The following PTPRN2 variants were observed in gnomAD, a reference collection of about 807,000 sequenced individuals.
The protein encoded by PTPRN2 is receptor-type tyrosine-protein phosphatase N2.
In PTPRN2, 74 loss-of-function variants were observed where a neutral mutation model predicts 118.8. The ratio of observed to expected loss-of-function variants is 0.62; its 90% confidence interval spans 0.52 to 0.76. The LOEUF is 0.76. Among genes scored for constraint, PTPRN2 ranks in the 30% least tolerant of loss-of-function variants. The pLI, the probability that PTPRN2 is intolerant of heterozygous loss-of-function variation, is 0.00. For missense variants in PTPRN2, 1,481 were observed against 1,394.4 expected (o/e 1.06, Z -0.99); for synonymous variants, 641 against 608.0 (o/e 1.05, Z -0.80).
intron 5 of PTPRN2, among the ~76,000 whole-genome samples, chr7:158,167,922 C>CT (rs1823178096): frequency 6.6e-6 from 1 of 152,234 alleles, no homozygotes; most frequent in Non-Finnish European, 1.5e-5. Flanking sequence ...TGGACATTTG[C>CT]TTTTTTCTAC....
At chr7:158,187,706 C>T (rs1825288482) in intron 5 of PTPRN2, among the ~76,000 whole-genome samples, 1 of 152,138 alleles carries the variant, frequency 6.6e-6, no homozygotes, top group Non-Finnish European at 1.5e-5. Flanking sequence ...ACCAAGTGCT[C>T]ATTTTCTGAA....
chr7:158,143,276 C>T (rs553088655), intron 6 of PTPRN2, among the ~76,000 whole-genome samples: 23 of 152,280 alleles, frequency 1.5e-4, no homozygotes, highest in East Asian at 7.7e-4. Flanking sequence ...TGAAGGGTCC[C>T]GGGCTCCACC....
chr7:157,965,265 C>T (rs1563280216), intron 11 of PTPRN2, among the ~76,000 whole-genome samples: 1 of 152,142 alleles, frequency 6.6e-6, no homozygotes, highest in East Asian at 1.9e-4. Flanking sequence ...CACAGTGTAA[C>T]CCCTCTGAAG....
intron 4 of PTPRN2, among the ~76,000 whole-genome samples, chr7:158,196,205 A>G (rs935580110): frequency 1.3e-5 from 2 of 152,174 alleles, no homozygotes; most frequent in Non-Finnish European, 2.9e-5. Context: ...TCAGTCATCT[A>G]CCAAATCCTC....
intron 12 of PTPRN2, among the ~76,000 whole-genome samples, chr7:157,856,741 C>A (rs1028620190): frequency 1.1e-4 from 17 of 152,222 alleles, no homozygotes; most frequent in Non-Finnish European, 8.8e-5. Flanking sequence ...TTTCATATGA[C>A]CTGCTGGTTC....
chr7:158,490,023 C>G (rs1346772754), intron 1 of PTPRN2, among the ~76,000 whole-genome samples: 1 of 152,236 alleles, frequency 6.6e-6, no homozygotes, highest in East Asian at 1.9e-4. Context: ...CTGGACCAGG[C>G]CCACAGCTCT....
chr7:158,317,054 C>T (rs1185630745), intron 2 of PTPRN2, 122 bp from the exon 3 acceptor site: 5 of 695,176 alleles, frequency 7.2e-6, no homozygotes, highest in African/African-American at 1.8e-5. Flanking sequence ...TGGAGCACGG[C>T]GTCACCAGAG....
chr7:158,570,355 GAATA>G lies in PTPRN2; in HGVS notation c.112+17199_112+17202del, dbSNP rs761742667. 1.8e-4 allele frequency among the ~76,000 whole-genome samples: 27 copies of G among 152,180 alleles called. No individual in the cohort carries two copies. The highest frequency in any genetic ancestry group is 3.4e-4 in the Non-Finnish European group (23 of 68,024). On this transcript the variant is annotated intron_variant, in intron 1 of 22. Transcript: ENST00000389418. The surrounding 1 kb of genome is among the most constrained non-coding windows in gnomAD (Gnocchi z 4.5). ...GCCAACCGGGACAAGGTGTTTTGCT[GAATA>G]AATAAATTAATACATAATAAAGGCT...
chr7:157,956,041 G>C (rs779119949), intron 11 of PTPRN2, among the ~76,000 whole-genome samples: 1 of 152,214 alleles, frequency 6.6e-6, no homozygotes, highest in Non-Finnish European at 1.5e-5. Flanking sequence ...CAGGCCATTC[G>C]TGTGCTGCTG....
chr7:158,444,526 G>A (rs1817594917), intron 2 of PTPRN2, among the ~76,000 whole-genome samples: 1 of 152,232 alleles, frequency 6.6e-6, no homozygotes, highest in South Asian at 2.1e-4. Context: ...GTGAGAAGAG[G>A]CCGAGCCTCA....
rs1218797467 is a variant in PTPRN2, at chr7:157,676,426, C to T, written c.2001+6299G>A. 1.3e-5 allele frequency among the ~76,000 whole-genome samples: 2 copies of T among 152,232 alleles called. No homozygotes were observed. Among genetic ancestry groups the T allele is most frequent in the African/African-American group, 2.4e-5 (1 of 41,452 alleles). Reference sequence around the variant, plus strand: ...GTGATGCGTGGACTAATGCTGTTTACCGCCGGTTCACTTTCATTGCAAACT... The same window carrying T: ...GTGATGCGTGGACTAATGCTGTTTATCGCCGGTTCACTTTCATTGCAAACT... On this transcript the variant is annotated intron_variant, in intron 13 of 22. Transcript: ENST00000389418. The surrounding 1 kb of genome is among the most constrained non-coding windows in gnomAD (Gnocchi z 5.6).
intron 11 of PTPRN2, among the ~76,000 whole-genome samples, chr7:157,992,337 G>T (rs375400840): frequency 6.6e-6 from 1 of 152,192 alleles, no homozygotes; most frequent in African/African-American, 2.4e-5. Flanking sequence ...CGAGTCTCTC[G>T]CTCTCCAGGA....
intron 11 of PTPRN2, among the ~76,000 whole-genome samples, chr7:158,053,788 C>G (rs777992773): frequency 6.7e-6 from 1 of 150,136 alleles, no homozygotes; most frequent in Non-Finnish European, 1.5e-5. Flanking sequence ...TGCAGAGACT[C>G]CAGAGACGCA....
intron 1 of PTPRN2, among the ~76,000 whole-genome samples, chr7:158,556,763 G>A (rs1298388796): frequency 2.7e-5 from 4 of 147,902 alleles, no homozygotes; most frequent in East Asian, 4.1e-4. Context: ...TCCCGAGCAG[G>A]TTGCTCCCAC....
intron 12 of PTPRN2, chr7:157,864,746 C>G (rs1441301218): frequency 2.0e-5 from 3 of 152,244 alleles, no homozygotes; most frequent in Non-Finnish European, 4.4e-5. Context: ...CCCTCAAACG[C>G]TCATAGACGT....
intron 8 of PTPRN2, among the ~76,000 whole-genome samples, chr7:158,135,950 G>A (rs4458820): frequency 0.33 from 50,519 of 152,076 alleles, 8,605 homozygotes; most frequent in East Asian, 0.5. Context: ...TTGTATTCAC[G>A]ACCAAAGGTT....
rs1253574887 is a variant in PTPRN2 at position 157,779,915 on chromosome 7, G to A, written c.1789-96978C>T. Among the ~76,000 whole-genome samples, 1 of 152,166 alleles carries A rather than the reference G, an allele frequency of 6.6e-6. No individual in the cohort carries two copies. Among genetic ancestry groups the A allele is most frequent in the Non-Finnish European group, 1.5e-5 (1 of 68,038 alleles). Reference sequence around the variant, plus strand: ...ATCGACGTACAACACGCCGCAAGCAGCCCTCGAGGAATGGAAAACTCTCAG... The same window carrying A: ...ATCGACGTACAACACGCCGCAAGCAACCCTCGAGGAATGGAAAACTCTCAG... On this transcript the variant is annotated intron_variant, in intron 12 of 22. Coordinates refer to ENST00000389418, the MANE Select transcript of PTPRN2 (RefSeq NM_002847.5). This position sits in a 1 kb window ranked among gnomAD's most constrained non-coding sequence, Gnocchi z 4.7.
At chr7:157,725,045 C>G (rs1317557503) in intron 12 of PTPRN2, among the ~76,000 whole-genome samples, 1 of 152,202 alleles carries the variant, frequency 6.6e-6, no homozygotes, top group East Asian at 1.9e-4. Context: ...AAATAACCTG[C>G]TTTTTCCCAT....
chr7:158,209,793 T>C (rs1411113428), intron 3 of PTPRN2, among the ~76,000 whole-genome samples: 1 of 152,172 alleles, frequency 6.6e-6, no homozygotes, highest in Non-Finnish European at 1.5e-5. Context: ...CCATACATTA[T>C]GGCAAAAAAA....
Sources: allele counts gnomAD v4.1 joint callset (sites outside exome capture counted in the v4.1 genomes callset), GRCh38; gene constraint gnomAD v4.1.1; non-coding constraint Gnocchi (gnomAD v3.1); transcripts MANE v1.5; gene names NCBI Gene and HGNC (gene_info 2026-07-23, HGNC 2026-07-21).